The following RASA3 variants were observed in gnomAD, a reference collection of about 807,000 sequenced individuals.
RASA3 encodes RAS p21 protein activator 3, also known as ras GTPase-activating protein 3.
In RASA3, 73 loss-of-function variants were observed where a neutral mutation model predicts 110.0. That is an observed-to-expected ratio of 0.66 (90% confidence interval 0.55 to 0.81). The LOEUF is 0.81. Ranked by LOEUF, RASA3 falls within the 30% of genes least tolerant of loss-of-function variation. The pLI is 0.00. For synonymous variants in RASA3, 500 were observed against 451.4 expected (o/e 1.11, Z -1.37); for missense variants, 976 against 1,113.2 (o/e 0.88, Z 1.75).
intron 2 of RASA3, among the ~76,000 whole-genome samples, chr13:114,068,940 C>T (rs1256393198): frequency 6.6e-6 from 1 of 152,190 alleles, no homozygotes; most frequent in Non-Finnish European, 1.5e-5. Context: ...TCAACCTCCA[C>T]CTTGAAAAAT....
At chr13:114,007,673 A>G (rs1285207465) in intron 17 of RASA3, 67 bp from the exon 18 acceptor site, 17 of 1,330,594 alleles carry the variant, frequency 1.3e-5, no homozygotes, top group Non-Finnish European at 1.8e-5. Context: ...CTCTCTGTAT[A>G]ACAACAGCGT....
intron 1 of RASA3, among the ~76,000 whole-genome samples, chr13:114,111,986 C>T (rs1487508870): frequency 1.3e-5 from 2 of 152,068 alleles, no homozygotes; most frequent in Admixed American, 6.5e-5. Flanking sequence ...AAGGAACAGG[C>T]GAGGGTGGGA....
intron 1 of RASA3, among the ~76,000 whole-genome samples, chr13:114,113,605 A>AGTCC: frequency 6.6e-6 from 1 of 151,834 alleles, no homozygotes; most frequent in South Asian, 2.1e-4. Context: ...CGCATCCATC[A>AGTCC]ATCCACCCAC....
intron 14 of RASA3, 151 bp from the exon 15 acceptor site, chr13:114,013,399 T>C (rs59312132): frequency 0.017 from 1,721 of 103,044 alleles, 14 homozygotes; most frequent in African/African-American, 0.13. Flanking sequence ...CTCTCTCTGT[T>C]TCCCTCTCTC....
At chr13:114,083,073 C>T (rs1221249353) in intron 1 of RASA3, among the ~76,000 whole-genome samples, 1 of 152,244 alleles carries the variant, frequency 6.6e-6, no homozygotes, top group Non-Finnish European at 1.5e-5. Context: ...TAAAACATTT[C>T]TCCCACTCAT....
intron 1 of RASA3, among the ~76,000 whole-genome samples, chr13:114,095,267 C>T (rs185629416): frequency 1.9e-4 from 29 of 152,268 alleles, no homozygotes; most frequent in Admixed American, 5.9e-4. Flanking sequence ...ATTCACATAT[C>T]ATACAATTCA....
intron 8 of RASA3, among the ~76,000 whole-genome samples, chr13:114,023,373 C>T (rs1201687582): frequency 6.6e-6 from 1 of 152,046 alleles, no homozygotes; most frequent in Non-Finnish European, 1.5e-5. Flanking sequence ...CTCGGGGTCT[C>T]AGGGCCGGCT....
At chr13:114,081,023 C>T (rs78146925) in intron 1 of RASA3, among the ~76,000 whole-genome samples, 140 of 143,526 alleles carry the variant, frequency 9.8e-4, no homozygotes, top group African/African-American at 2.1e-3. Context: ...ACCAAGAGTG[C>T]CCCACGGCAG....
In RASA3 at chr13:114,112,051, G is replaced by T. The variant is rs1346853726; in HGVS notation, c.55+20384C>A. ...CAGATTCGCCCCTTTGTGTGGTCCC[G>T]TAAGTGACACTGTCCCTCCCTCTCC... On this transcript the variant is annotated intron_variant, in intron 1 of 23. Transcript: ENST00000334062. The surrounding 1 kb of genome is among the most constrained non-coding windows in gnomAD (Gnocchi z 4.8). 6.6e-6 allele frequency among the ~76,000 whole-genome samples: 1 copy of T among 151,860 alleles called. No individual in the cohort carries two copies. Among genetic ancestry groups the T allele is most frequent in the Non-Finnish European group, 1.5e-5 (1 of 67,996 alleles).
chr13:114,127,393 T>C (rs1338952184), intron 1 of RASA3, among the ~76,000 whole-genome samples: 1 of 152,192 alleles, frequency 6.6e-6, no homozygotes, highest in Non-Finnish European at 1.5e-5. Flanking sequence ...GTGGCCCTGC[T>C]TAAAGGATCA....
chr13:114,042,642 C>T (rs2054437074), intron 3 of RASA3, among the ~76,000 whole-genome samples: 1 of 152,242 alleles, frequency 6.6e-6, no homozygotes, highest in Non-Finnish European at 1.5e-5. Context: ...GGCCACCCTG[C>T]CTCACGCCAG....
chr13:114,103,525 G>A (rs993023836), intron 1 of RASA3, among the ~76,000 whole-genome samples: 4 of 149,610 alleles, frequency 2.7e-5, no homozygotes, highest in South Asian at 2.2e-4. Context: ...CACCACCCCC[G>A]ATGCGTCCAC....
chr13:114,049,332 G>C (rs1411221442), intron 3 of RASA3, among the ~76,000 whole-genome samples: 1 of 151,976 alleles, frequency 6.6e-6, no homozygotes, highest in African/African-American at 2.4e-5. Flanking sequence ...GATCCAGACA[G>C]CCACCCATTT....
chr13:114,124,465 C>T (rs1289103327), intron 1 of RASA3, among the ~76,000 whole-genome samples: 1 of 152,268 alleles, frequency 6.6e-6, no homozygotes, highest in Non-Finnish European at 1.5e-5. Flanking sequence ...GAGGGCGTTC[C>T]CGGGCACCTC....
chr13:114,009,281 C>T (rs557648680), intron 17 of RASA3, 106 bp downstream of exon 17: 201 of 930,812 alleles, frequency 2.2e-4, no homozygotes, highest in Non-Finnish European at 3.3e-4. Flanking sequence ...TGTTTAAAAT[C>T]GCTAATGGCC....
chr13:114,038,102 AGG>A, intron 4 of RASA3, among the ~76,000 whole-genome samples: 1 of 151,228 alleles, frequency 6.6e-6, no homozygotes, highest in East Asian at 2.0e-4. Flanking sequence ...GGCAAGAAAG[AGG>A]AAAAGCTACA....
intron 13 of RASA3, 51 bp from the exon 14 acceptor site, chr13:114,015,383 C>T (rs771567387): frequency 5.0e-6 from 8 of 1,601,452 alleles, no homozygotes; most frequent in Admixed American, 3.3e-5. Flanking sequence ...CCCACAGGTG[C>T]GTGTAGCACC....
intron 23 of RASA3, 50 bp downstream of exon 23, chr13:113,981,625 T>C: frequency 6.4e-7 from 1 of 1,557,718 alleles, no homozygotes; most frequent in Non-Finnish European, 8.8e-7. Context: ...CACTGCAATC[T>C]CCCGCCCACT....
chr13:114,018,565 A>G (rs1370778293), intron 10 of RASA3, among the ~76,000 whole-genome samples, 198 bp downstream of exon 10: 2 of 152,130 alleles, frequency 1.3e-5, no homozygotes, highest in East Asian at 1.9e-4. Context: ...CCAGGCTCCC[A>G]CGGCTCTAAC....
Sources: gnomAD v4.1 joint callset for allele counts (sites outside exome capture counted in the v4.1 genomes callset) on GRCh38, gnomAD v4.1.1 for gene constraint, Gnocchi (gnomAD v3.1) non-coding constraint, MANE v1.5 for transcripts, NCBI Gene and HGNC (gene_info 2026-07-23, HGNC 2026-07-21) for gene names.